LRRC4C: variants seen among roughly 807,000 people sequenced by gnomAD.
LRRC4C encodes the protein leucine-rich repeat-containing protein 4C.
In LRRC4C, 5 loss-of-function variants were observed where a neutral mutation model predicts 33.6. The ratio of observed to expected loss-of-function variants is 0.15; its 90% CI spans 0.08 to 0.31. The LOEUF (loss-of-function observed/expected upper bound fraction) is 0.31, where lower values mean the gene tolerates loss of function less well. Ranked by LOEUF, LRRC4C falls within the 10% of genes least tolerant of loss-of-function variation. The pLI is 1.00. For missense variants in LRRC4C, 560 were observed against 796.7 expected, an observed-to-expected ratio of 0.70 and a Z score of 3.58; for synonymous variants, 329 against 302.0, an observed-to-expected ratio of 1.09 and a Z score of -0.93.
chr11:40,416,380 G>T (rs1417967642), intron 3 of LRRC4C, among the ~76,000 whole-genome samples: 2 of 152,108 alleles, frequency 1.3e-5, no homozygotes, highest in East Asian at 3.9e-4. Flanking sequence ...TGGGGGTTGG[G>T]AGGGAGAGAT....
At chr11:40,892,331 A>G (rs921849318) in intron 2 of LRRC4C, among the ~76,000 whole-genome samples, 5 of 152,104 alleles carry the variant, frequency 3.3e-5, no homozygotes, top group Admixed American at 6.6e-5. Flanking sequence ...CTAAATGTCC[A>G]TTGGCAGATT....
At position 41,408,763 on chromosome 11, in the gene LRRC4C, A is replaced by C. The variant is rs953531138; in HGVS notation, c.-496+50668T>G. ...ATATTTTTGTAAAAAAAAAAAAAAAAAAAACTGAGTCTCTCAAAAATTAAA... is the reference window on the plus strand; with the variant it reads ...ATATTTTTGTAAAAAAAAAAAAAAACAAAACTGAGTCTCTCAAAAATTAAA... On this transcript the variant is annotated intron_variant, in intron 1 of 6. Transcript: ENST00000528697. Among the ~76,000 whole-genome samples the C allele has an allele frequency of 4.0e-3, 603 of 151,962 alleles. 1 individual carries two copies. Among genetic ancestry groups the C allele is most frequent in the Middle Eastern group, 0.01 (3 of 294 alleles).
chr11:40,765,242 C>A (rs1465818746), intron 2 of LRRC4C, among the ~76,000 whole-genome samples: 2 of 152,114 alleles, frequency 1.3e-5, no homozygotes, highest in African/African-American at 2.4e-5. Flanking sequence ...TGGTGCCACT[C>A]TTGTAATTGT....
intron 5 of LRRC4C, among the ~76,000 whole-genome samples, chr11:40,188,609 G>T (rs893055685): frequency 1.3e-5 from 2 of 152,106 alleles, no homozygotes; most frequent in African/African-American, 4.8e-5. Context: ...TCAGAGCAGG[G>T]TTTGCTCTGT....
At chr11:41,211,927 A>G (rs1389193282) in intron 1 of LRRC4C, among the ~76,000 whole-genome samples, 2 of 152,216 alleles carry the variant, frequency 1.3e-5, no homozygotes, top group Non-Finnish European at 1.5e-5. Context: ...CAATGGTTGA[A>G]CTAGTTTACA....
At chr11:40,281,932 A>G (rs974887103) in intron 4 of LRRC4C, among the ~76,000 whole-genome samples, 1 of 152,172 alleles carries the variant, frequency 6.6e-6, no homozygotes, top group Non-Finnish European at 1.5e-5. Context: ...GGATAGCTAA[A>G]TTCTCCTACA....
At chr11:40,833,215 T>C (rs959084602) in intron 2 of LRRC4C, among the ~76,000 whole-genome samples, 3 of 152,146 alleles carry the variant, frequency 2.0e-5, no homozygotes, top group Admixed American at 6.6e-5. Flanking sequence ...TGACTTAGCA[T>C]AGCTTCTCAG....
chr11:40,464,003 T>A (rs1363010213), intron 3 of LRRC4C, among the ~76,000 whole-genome samples: 3 of 151,956 alleles, frequency 2.0e-5, no homozygotes, highest in Admixed American at 2.0e-4. Flanking sequence ...ATCATCCTGA[T>A]ACCAAATCCA....
chr11:41,452,710 T>C (rs994114704), intron 1 of LRRC4C, among the ~76,000 whole-genome samples: 2 of 151,958 alleles, frequency 1.3e-5, no homozygotes, highest in Non-Finnish European at 2.9e-5. Context: ...TTCCATCATG[T>C]CCCCCACTGA....
Position 41,228,052 on chromosome 11 carries a change from C to G in LRRC4C, c.-496+231379G>C, listed in dbSNP as rs150075219. On this transcript the variant is annotated intron_variant, in intron 1 of 6. Coordinates refer to ENST00000528697, the MANE Select transcript of LRRC4C (RefSeq NM_001258419.2). The stretch of plus-strand genomic sequence containing the variant: ...CCACATTAATTTCTCTTGCTTTTGC[C>G]CTGTAAAATACCTTGCCTGAAACTA... Among the ~76,000 whole-genome samples, 586 of 152,098 alleles carry G rather than the reference C, an allele frequency of 3.9e-3. 4 individuals carry two copies. The highest frequency in any genetic ancestry group is 0.013 in the African/African-American group (555 of 41,504).
chr11:40,140,105 G>A (rs893051937), intron 6 of LRRC4C, among the ~76,000 whole-genome samples: 2 of 152,214 alleles, frequency 1.3e-5, no homozygotes, highest in Non-Finnish European at 2.9e-5. Flanking sequence ...TTGGAAGGAA[G>A]TGCATTAATT....
chr11:40,203,607 C>CA (rs1565129188), intron 5 of LRRC4C, among the ~76,000 whole-genome samples: 1 of 152,084 alleles, frequency 6.6e-6, no homozygotes, highest in Non-Finnish European at 1.5e-5. Context: ...AATGCAACTG[C>CA]AAAAACATGA....
chr11:40,258,234 T>A (rs1210200720), intron 4 of LRRC4C, among the ~76,000 whole-genome samples: 1 of 152,160 alleles, frequency 6.6e-6, no homozygotes, highest in Non-Finnish European at 1.5e-5. Context: ...GGATCCAATC[T>A]AAATGCTCAG....
intron 1 of LRRC4C, among the ~76,000 whole-genome samples, chr11:41,361,153 A>G (rs1952341710): frequency 6.6e-6 from 1 of 152,224 alleles, no homozygotes; most frequent in Admixed American, 6.5e-5. Context: ...ATGAGTGGAT[A>G]TTCATTTCAC....
chr11:40,377,943 C>G (rs1335770520), intron 3 of LRRC4C, among the ~76,000 whole-genome samples: 1 of 151,824 alleles, frequency 6.6e-6, no homozygotes, highest in East Asian at 1.9e-4. Context: ...AAGGAATTAC[C>G]CAGTACAAAA....
intron 1 of LRRC4C, among the ~76,000 whole-genome samples, chr11:41,365,781 T>C (rs999920629): frequency 1.3e-5 from 2 of 152,192 alleles, no homozygotes; most frequent in African/African-American, 4.8e-5. Flanking sequence ...AGTTAATATA[T>C]AATGTACCTG....
In LRRC4C at chr11:40,575,766, A is replaced by G. The variant is rs1277562013; in HGVS notation, c.-270+72376T>C. 2.0e-5 allele frequency among the ~76,000 whole-genome samples: 3 copies of G among 152,220 alleles called. No individual in the cohort carries two copies. The East Asian group carries it at 5.8e-4, about 29-fold the overall frequency. On this transcript the variant is annotated intron_variant, in intron 3 of 6. Transcript: ENST00000528697. ...TTTTCATCAATGGCAAACAACAATA[A>G]TCATGAGAATGACATATTTAAATAG...
intron 1 of LRRC4C, among the ~76,000 whole-genome samples, chr11:41,024,895 TA>T (rs899886399): frequency 6.6e-6 from 1 of 151,716 alleles, no homozygotes; most frequent in Non-Finnish European, 1.5e-5. Flanking sequence ...TGTCACATTT[TA>T]GTAATTTTCA....
chr11:40,410,813 T>G (rs576612267), intron 3 of LRRC4C, among the ~76,000 whole-genome samples: 9 of 152,174 alleles, frequency 5.9e-5, no homozygotes, highest in Admixed American at 4.6e-4. Flanking sequence ...AAATGTCATG[T>G]TTTTTTGCTA....
Sources: gnomAD v4.1 joint callset for allele counts (sites outside exome capture counted in the v4.1 genomes callset) on GRCh38, gnomAD v4.1.1 for gene constraint, MANE v1.5 for transcripts, NCBI Gene and HGNC (gene_info 2026-07-23, HGNC 2026-07-21) for gene names.